ARHGAP24: variants seen among roughly 807,000 people sequenced by gnomAD.
ARHGAP24 encodes the protein Rho GTPase activating protein 24.
A neutral mutation model predicts 76.4 loss-of-function variants in ARHGAP24; 50 were observed. That is an observed-to-expected ratio of 0.65 (90% CI 0.52 to 0.83). The LOEUF (loss-of-function observed/expected upper bound fraction) is 0.83. Among genes scored for constraint, ARHGAP24 ranks in the 40% least tolerant of loss-of-function variants. The probability of loss-of-function intolerance (pLI) is 0.00; values close to 1 mark genes in which losing one functional copy is unlikely to be tolerated. For missense variants in ARHGAP24, 930 were observed against 914.2 expected, an observed-to-expected ratio of 1.02 and a Z score of -0.22; for synonymous variants, 345 against 323.3, an observed-to-expected ratio of 1.07 and a Z score of -0.72.
chr4:85,483,947 G>C (rs1722919687), intron 1 of ARHGAP24, among the ~76,000 whole-genome samples: 1 of 152,050 alleles, frequency 6.6e-6, no homozygotes, highest in Admixed American at 6.6e-5. Flanking sequence ...ATTCAAAGGT[G>C]GCATTTGGAA....
intron 3 of ARHGAP24, among the ~76,000 whole-genome samples, chr4:85,839,614 C>A (rs1730476245): frequency 6.6e-6 from 1 of 151,658 alleles, no homozygotes; most frequent in African/African-American, 2.4e-5. Flanking sequence ...CCACGCCCAG[C>A]CAGTTTTTGT....
chr4:85,487,165 AATATATATTTATTTT>A (rs1168087182), intron 1 of ARHGAP24, among the ~76,000 whole-genome samples: 1 of 136,466 alleles, frequency 7.3e-6, no homozygotes, highest in East Asian at 2.0e-4. Context: ...TATATATATA[AATATATATTTATTTT>A]ATATATATAA....
At chr4:85,991,850 T>C (rs1322303861) in intron 8 of ARHGAP24, 1 of 293,446 alleles carries the variant, frequency 3.4e-6, no homozygotes, top group African/African-American at 2.1e-5. Flanking sequence ...AAGTTATTCA[T>C]TGCAAAAAAT....
chr4:85,954,400 G>C (rs1344390216), intron 5 of ARHGAP24, among the ~76,000 whole-genome samples: 1 of 152,028 alleles, frequency 6.6e-6, no homozygotes, highest in East Asian at 1.9e-4. Flanking sequence ...TTTCTTTACT[G>C]CTTATCATCT....
intron 3 of ARHGAP24, among the ~76,000 whole-genome samples, chr4:85,774,779 T>C (rs1397128734): frequency 6.6e-6 from 1 of 152,182 alleles, no homozygotes; most frequent in Non-Finnish European, 1.5e-5. Context: ...ATTTGCAGTG[T>C]TAAGTCAATT....
chr4:85,972,379 A>G, intron 6 of ARHGAP24: 1 of 613,778 alleles, frequency 1.6e-6, no homozygotes, highest in Non-Finnish European at 2.8e-6. Context: ...ATGGCTGAAT[A>G]AATTAAATCA....
At chr4:85,910,874 C>T (rs1029371916) in intron 3 of ARHGAP24, among the ~76,000 whole-genome samples, 1 of 152,132 alleles carries the variant, frequency 6.6e-6, no homozygotes, top group East Asian at 1.9e-4. Flanking sequence ...AGGTCATCCC[C>T]GGCCTGAAGG....
At chr4:85,578,484 A>G (rs1350661853) in intron 2 of ARHGAP24, among the ~76,000 whole-genome samples, 4 of 152,204 alleles carry the variant, frequency 2.6e-5, no homozygotes, top group African/African-American at 9.6e-5. Context: ...TGTCCGGTAT[A>G]GGCACTTCCC....
At chr4:85,953,636 C>T (rs942330702) in intron 5 of ARHGAP24, among the ~76,000 whole-genome samples, 5 of 150,544 alleles carry the variant, frequency 3.3e-5, no homozygotes, top group African/African-American at 9.9e-5. Flanking sequence ...AATCCACAGG[C>T]GATTTTTTTT....
intron 1 of ARHGAP24, among the ~76,000 whole-genome samples, chr4:85,531,015 G>A (rs1243215435): frequency 2.0e-5 from 3 of 151,980 alleles, no homozygotes; most frequent in Non-Finnish European, 4.4e-5. Context: ...GATGACATAA[G>A]CCAGATGGCT....
chr4:85,728,906 A>T (rs1725282298), intron 3 of ARHGAP24, among the ~76,000 whole-genome samples: 1 of 152,234 alleles, frequency 6.6e-6, no homozygotes, highest in African/African-American at 2.4e-5. Flanking sequence ...TGAAAATGTA[A>T]GCCAATATTT....
chr4:85,682,746 A>G (rs1055902971), intron 2 of ARHGAP24, among the ~76,000 whole-genome samples: 4 of 152,226 alleles, frequency 2.6e-5, no homozygotes, highest in Non-Finnish European at 5.9e-5. Context: ...ACAGACACTC[A>G]GAAGCAGACA....
chr4:85,554,975 C>G (rs72977409), intron 1 of ARHGAP24, among the ~76,000 whole-genome samples: 239 of 139,632 alleles, frequency 1.7e-3, no homozygotes, highest in African/African-American at 5.6e-3. Flanking sequence ...CCACCGCACC[C>G]AGCCAGTTCT....
intron 2 of ARHGAP24, among the ~76,000 whole-genome samples, chr4:85,607,372 G>A (rs897066270): frequency 9.2e-5 from 14 of 151,902 alleles, no homozygotes; most frequent in African/African-American, 3.4e-4. Flanking sequence ...GGGAGGGAGG[G>A]AGGAACGGAG....
intron 2 of ARHGAP24, among the ~76,000 whole-genome samples, chr4:85,713,395 A>T (rs1040306783): frequency 1.3e-5 from 2 of 152,168 alleles, no homozygotes; most frequent in African/African-American, 4.8e-5. Context: ...TTAAAAATAT[A>T]TTTTAAATAG....
rs1409403114 is a variant in ARHGAP24, at chr4:85,487,846, ATATATTTATTATATATAT to A, written c.-21+12293_-21+12310del. 3.1e-4 allele frequency among the ~76,000 whole-genome samples: 38 copies of A among 122,920 alleles called. No individual in the cohort carries two copies. The East Asian group carries it at 4.7e-3, about 15-fold the overall frequency. The allele number at this position is 122,920 out of a possible 152,430, so 80.6% of individuals were successfully genotyped here. On this transcript the variant is annotated intron_variant, in intron 1 of 9. Coordinates refer to ENST00000395184, the MANE Select transcript of ARHGAP24 (RefSeq NM_001025616.3). Reference sequence around the variant, plus strand: ...CATATTTATTACATATTATATAAATATATATTTATTATATATATTATATAAATATATAATATATATAAT... The same window carrying A: ...CATATTTATTACATATTATATAAATATATATAAATATATAATATATATAAT...
intron 3 of ARHGAP24, among the ~76,000 whole-genome samples, chr4:85,783,162 G>A (rs150763594): frequency 2.0e-5 from 3 of 152,226 alleles, no homozygotes; most frequent in African/African-American, 7.2e-5. Context: ...GGACAAGAAG[G>A]TCTCAAGTGT....
intron 3 of ARHGAP24, among the ~76,000 whole-genome samples, chr4:85,784,328 G>T (rs886526646): frequency 4.8e-4 from 73 of 151,550 alleles, no homozygotes; most frequent in Non-Finnish European, 3.1e-4. Context: ...TCTTGTTAGA[G>T]GGCTCCTGTT....
At chr4:85,960,960 A>G (rs1738208224) in intron 5 of ARHGAP24, among the ~76,000 whole-genome samples, 1 of 152,180 alleles carries the variant, frequency 6.6e-6, no homozygotes, top group Non-Finnish European at 1.5e-5. Context: ...ATTTATAACA[A>G]AGCAATAATA....
Sources: allele counts gnomAD v4.1 joint callset (sites outside exome capture counted in the v4.1 genomes callset), GRCh38; gene constraint gnomAD v4.1.1; transcripts MANE v1.5; gene names NCBI Gene and HGNC (gene_info 2026-07-23, HGNC 2026-07-21).